Variants in ITPR1 observed in about 807,000 individuals in gnomAD.
The protein encoded by ITPR1 is inositol 1,4,5-trisphosphate-gated calcium channel ITPR1.
ITPR1 carries 96 observed loss-of-function variants against 318.4 expected under a neutral mutation model. That is an observed-to-expected ratio of 0.30 (90% CI 0.26 to 0.36). The LOEUF (loss-of-function observed/expected upper bound fraction) is 0.36, where lower values mean the gene tolerates loss of function less well. Among genes scored for constraint, ITPR1 ranks in the 10% least tolerant of loss-of-function variants. ITPR1 has a pLI of 1.00. For missense variants in ITPR1, 2,440 were observed against 3,460.2 expected, an observed-to-expected ratio of 0.71 and a Z score of 7.40; for synonymous variants, 1,312 against 1,289.9, an observed-to-expected ratio of 1.02 and a Z score of -0.37.
Position 4,586,932 on chromosome 3 carries a change from A to C in ITPR1, c.164-40831A>C, listed in dbSNP as rs192940237. 4.1e-3 allele frequency among the ~76,000 whole-genome samples: 626 copies of C among 152,068 alleles called. 3 individuals are homozygous for C. The highest frequency in any genetic ancestry group is 0.014 in the Middle Eastern group (4 of 294). ...TCTGACTCTTGTTCATACACCTCTT[A>C]GGTAGGTCTCCGACCTGCGGGTTCT... On this transcript the variant is annotated intron_variant, in intron 4 of 61. Coordinates refer to ENST00000649015, the MANE Select transcript of ITPR1 (RefSeq NM_001378452.1).
chr3:4,816,751 A>G (rs1422965933), intron 59 of ITPR1, among the ~76,000 whole-genome samples: 1 of 152,182 alleles, frequency 6.6e-6, no homozygotes, highest in African/African-American at 2.4e-5. Context: ...GTAACTCCAT[A>G]AAGTTACTTT....
intron 46 of ITPR1, among the ~76,000 whole-genome samples, chr3:4,774,679 A>G (rs180674873): frequency 2.1e-4 from 32 of 152,356 alleles, no homozygotes; most frequent in Non-Finnish European, 3.4e-4. Context: ...CATGCACACA[A>G]GCACACACAC....
chr3:4,638,885 G>A (rs910348129), intron 5 of ITPR1, among the ~76,000 whole-genome samples: 1 of 152,148 alleles, frequency 6.6e-6, no homozygotes, highest in African/African-American at 2.4e-5. Flanking sequence ...GAGTTCATGT[G>A]AGGTGCAGGT....
At chr3:4,512,552 G>A (rs1367256669) in intron 2 of ITPR1, among the ~76,000 whole-genome samples, 7 of 152,108 alleles carry the variant, frequency 4.6e-5, no homozygotes, top group Admixed American at 4.6e-4. Context: ...GTCATCATGG[G>A]TCATATAGGA....
intron 6 of ITPR1, among the ~76,000 whole-genome samples, chr3:4,641,140 G>T (rs2093328095): frequency 6.6e-6 from 1 of 152,104 alleles, no homozygotes; most frequent in African/African-American, 2.4e-5. Flanking sequence ...ATTTCTCAAG[G>T]GATTGGGCAG....
At chr3:4,692,598 G>A (rs1036618791) in intron 32 of ITPR1, among the ~76,000 whole-genome samples, 9 of 152,160 alleles carry the variant, frequency 5.9e-5, no homozygotes, top group Admixed American at 4.6e-4. Flanking sequence ...TTCTGTGCCA[G>A]CCCTTTCTGG....
At chr3:4,680,769 T>C in intron 25 of ITPR1, 78 bp downstream of exon 25, 3 of 1,305,586 alleles carry the variant, frequency 2.3e-6, no homozygotes, top group Non-Finnish European at 3.1e-6. Context: ...AACAGTATCT[T>C]CTAGAAAAAG....
At chr3:4,814,867 C>T (rs1434648225) in intron 58 of ITPR1, 186 bp from the exon 59 acceptor site, 1 of 621,166 alleles carries the variant, frequency 1.6e-6, no homozygotes, top group Admixed American at 2.9e-5. Context: ...CTGTGTCACA[C>T]CACACTTGGA....
chr3:4,725,999 T>C, intron 41 of ITPR1, among the ~76,000 whole-genome samples: 1 of 152,352 alleles, frequency 6.6e-6, no homozygotes, highest in East Asian at 1.9e-4. Context: ...AAAAAGCTAC[T>C]AATAAACTTG....
Position 4,604,981 on chromosome 3 carries a change from TG to T in ITPR1, c.164-22779del, listed in dbSNP as rs563213242. ...AAATGAGTAGCATGCTATTTTTTTT[TG>T]GGTGGGGGGGATGGAGTCTTGTTCT... On this transcript the variant is annotated intron_variant, in intron 4 of 61. Coordinates refer to ENST00000649015, the MANE Select transcript of ITPR1 (RefSeq NM_001378452.1). Among the ~76,000 whole-genome samples the T allele has an allele frequency of 9.9e-5, 15 of 152,046 alleles. No homozygotes were observed. In the South Asian group the frequency reaches 2.5e-3, roughly 25 times the overall value.
At chr3:4,569,499 G>C (rs1331302408) in intron 4 of ITPR1, among the ~76,000 whole-genome samples, 1 of 152,196 alleles carries the variant, frequency 6.6e-6, no homozygotes, top group Non-Finnish European at 1.5e-5. Context: ...TGTGTGACAA[G>C]CTTGTGCATT....
intron 4 of ITPR1, among the ~76,000 whole-genome samples, chr3:4,545,602 A>G (rs1252208364): frequency 2.7e-5 from 4 of 148,970 alleles, no homozygotes; most frequent in East Asian, 4.0e-4. Context: ...CAGCCTGGGC[A>G]ACAGAACGGG....
At chr3:4,840,437 G>C (rs1036096310) in intron 61 of ITPR1, among the ~76,000 whole-genome samples, 2 of 152,076 alleles carry the variant, frequency 1.3e-5, no homozygotes, top group African/African-American at 4.8e-5. Flanking sequence ...CACAAAAATT[G>C]CTCCATTACT....
At chr3:4,681,661 C>T (rs970557449) in intron 26 of ITPR1, among the ~76,000 whole-genome samples, 2 of 85,832 alleles carry the variant, frequency 2.3e-5, no homozygotes, top group East Asian at 6.2e-4. Flanking sequence ...GTGTGTGTCC[C>T]ACCTAGGACA....
intron 61 of ITPR1, among the ~76,000 whole-genome samples, chr3:4,844,992 TTAAG>T (rs1472250476): frequency 1.3e-5 from 2 of 152,202 alleles, no homozygotes; most frequent in Non-Finnish European, 2.9e-5. Flanking sequence ...AAAAGTGAGA[TTAAG>T]TGTCACATCT....
intron 59 of ITPR1, 125 bp downstream of exon 59, chr3:4,815,343 G>T (rs575232073): frequency 2.5e-6 from 2 of 814,612 alleles, no homozygotes; most frequent in South Asian, 3.5e-5. Context: ...ACCGGCTGCT[G>T]CTTCGTCTTG....
intron 4 of ITPR1, among the ~76,000 whole-genome samples, chr3:4,603,060 A>C (rs371281217): frequency 2.6e-5 from 4 of 152,184 alleles, no homozygotes; most frequent in East Asian, 1.9e-4. Context: ...AAATATATGC[A>C]GATGAAACAA....
rs1413873305 is a variant in ITPR1, at chr3:4,822,223, C to T, written c.8028+3981C>T. ...GGGAGGCATGCACAGAGGGAGGGAG[C>T]AGGCGAAAGAGCAACAGGCCCAGAG... On this transcript the variant is annotated intron_variant, in intron 60 of 61. Transcript: ENST00000649015. Among the ~76,000 whole-genome samples, 3 of 152,180 alleles carry T rather than the reference C, an allele frequency of 2.0e-5. No homozygotes were observed. The East Asian group carries it at 5.8e-4, about 29-fold the overall frequency.
chr3:4,715,103 A>G (rs1369968188), intron 39 of ITPR1, among the ~76,000 whole-genome samples: 3 of 152,242 alleles, frequency 2.0e-5, no homozygotes. Flanking sequence ...GAGAAAACAT[A>G]GGCTCTGAGA....
Sources: allele counts gnomAD v4.1 joint callset (sites outside exome capture counted in the v4.1 genomes callset), GRCh38; gene constraint gnomAD v4.1.1; transcripts MANE v1.5; gene names NCBI Gene and HGNC (gene_info 2026-07-23, HGNC 2026-07-21).